PIP5K1B: variants seen among roughly 807,000 people sequenced by gnomAD.
PIP5K1B encodes the protein phosphatidylinositol 4-phosphate 5-kinase type-1 beta.
In PIP5K1B, 42 loss-of-function variants were observed where a neutral mutation model predicts 67.0. The ratio of observed to expected loss-of-function variants is 0.63; its 90% CI spans 0.49 to 0.81. PIP5K1B has a LOEUF of 0.81. Among genes scored for constraint, PIP5K1B ranks in the 30% least tolerant of loss-of-function variants. The pLI, the probability that PIP5K1B is intolerant of heterozygous loss-of-function variation, is 0.00. For missense variants in PIP5K1B, 459 were observed against 646.3 expected, an observed-to-expected ratio of 0.71 and a Z score of 3.14; for synonymous variants, 214 against 231.4, an observed-to-expected ratio of 0.92 and a Z score of 0.68.
intron 12 of PIP5K1B, 132 bp from the exon 13 acceptor site, chr9:68,934,758 A>G (rs1476730165): frequency 1.8e-6 from 1 of 559,198 alleles, no homozygotes; most frequent in Non-Finnish European, 2.8e-6. Context: ...CCATATATAT[A>G]AAATAAGCGT....
intron 15 of PIP5K1B, among the ~76,000 whole-genome samples, chr9:68,998,476 T>G (rs1260190194): frequency 6.6e-6 from 1 of 152,204 alleles, no homozygotes; most frequent in Non-Finnish European, 1.5e-5. Flanking sequence ...TCTCTTCCCT[T>G]CCCTTATCCC....
chr9:68,911,377 TAAAAA>T (rs60001726), intron 8 of PIP5K1B, among the ~76,000 whole-genome samples: 1 of 133,352 alleles, frequency 7.5e-6, no homozygotes. Context: ...CCATCTCAAA[TAAAAA>T]AAAAAAAAAA....
At chr9:68,807,966 G>A (rs1287796203) in intron 2 of PIP5K1B, among the ~76,000 whole-genome samples, 1 of 152,238 alleles carries the variant, frequency 6.6e-6, no homozygotes, top group African/African-American at 2.4e-5. Flanking sequence ...GGGAAGCCAA[G>A]GCAGGCAGAT....
chr9:68,752,870 A>G (rs1829707100), intron 2 of PIP5K1B, among the ~76,000 whole-genome samples: 1 of 152,204 alleles, frequency 6.6e-6, no homozygotes, highest in Non-Finnish European at 1.5e-5. Context: ...TTGTGAAACA[A>G]AGATTTAATC....
intron 2 of PIP5K1B, among the ~76,000 whole-genome samples, chr9:68,796,025 T>C (rs1832272222): frequency 6.6e-6 from 1 of 152,240 alleles, no homozygotes; most frequent in Admixed American, 6.5e-5. Context: ...AAAGTTCTGA[T>C]AAGCAAAAGT....
At chr9:68,917,417 A>G in intron 8 of PIP5K1B, 131 bp from the exon 9 acceptor site, 2 of 707,122 alleles carry the variant, frequency 2.8e-6, no homozygotes, top group South Asian at 1.7e-5. Context: ...TTGATTCTTC[A>G]TCTCTCAGCC....
chr9:68,962,572 A>G (rs921590005), intron 14 of PIP5K1B, among the ~76,000 whole-genome samples: 3 of 152,064 alleles, frequency 2.0e-5, no homozygotes, highest in African/African-American at 7.2e-5. Flanking sequence ...TGCTTTACCT[A>G]CTCTTCTCAC....
At chr9:68,731,084 C>T (rs1828403664) in intron 1 of PIP5K1B, among the ~76,000 whole-genome samples, 2 of 152,172 alleles carry the variant, frequency 1.3e-5, no homozygotes, top group Admixed American at 1.3e-4. Flanking sequence ...GCCTGTGGAT[C>T]CCTTTCAATA....
At chr9:68,973,971 G>A (rs146896053) in intron 14 of PIP5K1B, among the ~76,000 whole-genome samples, 111 of 152,222 alleles carry the variant, frequency 7.3e-4, no homozygotes, top group African/African-American at 2.5e-3. Flanking sequence ...TTCACCTCCC[G>A]GGCTCAAGCG....
intron 5 of PIP5K1B, among the ~76,000 whole-genome samples, chr9:68,864,767 C>A (rs61627442): frequency 0.43 from 65,614 of 151,654 alleles, 14,398 homozygotes; most frequent in South Asian, 0.51. Context: ...TCAAATGATC[C>A]AGAAAATAAA....
At chr9:68,866,449 C>T (rs1397373169) in intron 5 of PIP5K1B, among the ~76,000 whole-genome samples, 1 of 151,792 alleles carries the variant, frequency 6.6e-6, no homozygotes, top group Non-Finnish European at 1.5e-5. Flanking sequence ...TATATATCTA[C>T]ACACATATGC....
chr9:68,879,827 T>A (rs561212021), intron 6 of PIP5K1B, among the ~76,000 whole-genome samples: 185 of 152,214 alleles, frequency 1.2e-3, no homozygotes, highest in African/African-American at 3.7e-3. Context: ...ATCATTTTTT[T>A]AAAAAAGAAA....
chr9:68,790,601 C>CAT, intron 2 of PIP5K1B, among the ~76,000 whole-genome samples: 1 of 152,106 alleles, frequency 6.6e-6, no homozygotes, highest in Non-Finnish European at 1.5e-5. Context: ...AGCGCGCACA[C>CAT]ACACACACAT....
At chr9:68,971,563 C>T (rs1829370620) in intron 14 of PIP5K1B, among the ~76,000 whole-genome samples, 1 of 152,144 alleles carries the variant, frequency 6.6e-6, no homozygotes, top group Non-Finnish European at 1.5e-5. Context: ...CCTTGAGGAA[C>T]TGCCACACTC....
rs185804686 is a variant in PIP5K1B, at chr9:68,961,158, C to G, written c.1502+20368C>G. On this transcript the variant is annotated intron_variant, in intron 14 of 15. Coordinates refer to ENST00000265382, the MANE Select transcript of PIP5K1B (RefSeq NM_003558.4). ...CCGGGAAGCGGAGCTTGCAGTGAGC[C>G]GAGATTGCGCCACTGCAGTCCGCAG... Among the ~76,000 whole-genome samples the G allele has an allele frequency of 2.0e-5, 3 of 148,494 alleles. No homozygotes were observed. The Admixed American group carries it at 2.0e-4, about 10-fold the overall frequency.
intron 3 of PIP5K1B, among the ~76,000 whole-genome samples, chr9:68,822,100 T>C (rs1317760146): frequency 6.6e-6 from 1 of 152,236 alleles, no homozygotes; most frequent in South Asian, 2.1e-4. Context: ...CTGACTCATA[T>C]TTTTTGGTAC....
At chr9:68,988,444 GT>G (rs61373302) in intron 14 of PIP5K1B, among the ~76,000 whole-genome samples, 21,984 of 105,128 alleles carry the variant, frequency 0.21, 525 homozygotes, top group Non-Finnish European at 0.24. Flanking sequence ...TTTTTTTGGG[GT>G]TTTTTTTTTT....
At chr9:68,839,716 C>A (rs80309194) in intron 4 of PIP5K1B, among the ~76,000 whole-genome samples, 1 of 152,112 alleles carries the variant, frequency 6.6e-6, no homozygotes, top group African/African-American at 2.4e-5. Context: ...TCCCACCGGC[C>A]CTTCAAGCCT....
At chr9:68,872,028 A>C (rs899910476) in intron 5 of PIP5K1B, among the ~76,000 whole-genome samples, 1 of 152,156 alleles carries the variant, frequency 6.6e-6, no homozygotes, top group South Asian at 2.1e-4. Context: ...TGCTGAGCAC[A>C]GTTACTCAAC....
Sources: gnomAD v4.1 joint callset for allele counts (sites outside exome capture counted in the v4.1 genomes callset) on GRCh38, gnomAD v4.1.1 for gene constraint, MANE v1.5 for transcripts, NCBI Gene and HGNC (gene_info 2026-07-23, HGNC 2026-07-21) for gene names.